The following DISC1 variants were observed in gnomAD, a reference collection of about 807,000 sequenced individuals.
DISC1 encodes the protein DISC1 scaffold protein.
DISC1 carries 57 observed loss-of-function variants against 84.5 expected under a neutral mutation model. That is an observed-to-expected ratio of 0.67 (90% confidence interval 0.55 to 0.84). DISC1 has a LOEUF of 0.84. Among genes scored for constraint, DISC1 ranks in the 40% least tolerant of loss-of-function variants. The pLI is 0.00. For missense variants in DISC1, 1,000 were observed against 1,057.8 expected (o/e 0.95, Z 0.76); for synonymous variants, 411 against 415.2 (o/e 0.99, Z 0.12).
intron 8 of DISC1, among the ~76,000 whole-genome samples, chr1:231,806,899 G>C (rs1021856150): frequency 6.6e-6 from 1 of 152,238 alleles, no homozygotes. Context: ...TGTGTGGTGG[G>C]TGCGGCTGAC....
intron 6 of DISC1, among the ~76,000 whole-genome samples, chr1:231,789,210 A>G (rs1474977649): frequency 6.6e-6 from 1 of 152,176 alleles, no homozygotes; most frequent in Non-Finnish European, 1.5e-5. Flanking sequence ...AAAGACTTGC[A>G]GGTGGGAGGG....
chr1:231,778,306 G>A (rs1210000722), intron 6 of DISC1, among the ~76,000 whole-genome samples: 2 of 152,184 alleles, frequency 1.3e-5, no homozygotes, highest in East Asian at 1.9e-4. Context: ...GTGAAAAGAG[G>A]GTTTGAACTG....
At chr1:232,015,417 G>A (rs901449159) in intron 11 of DISC1, among the ~76,000 whole-genome samples, 9 of 152,236 alleles carry the variant, frequency 5.9e-5, no homozygotes, top group South Asian at 2.1e-4. Flanking sequence ...GCAGGATGGC[G>A]TCTGCCTGAA....
intron 9 of DISC1, among the ~76,000 whole-genome samples, chr1:231,944,239 T>C (rs1204006972): frequency 6.6e-6 from 1 of 152,200 alleles, no homozygotes; most frequent in East Asian, 1.9e-4. Context: ...GTCTGAGTTT[T>C]GTCTACCTGC....
At chr1:231,878,054 G>C (rs200842400) in intron 9 of DISC1, among the ~76,000 whole-genome samples, 12 of 152,172 alleles carry the variant, frequency 7.9e-5, no homozygotes, top group Non-Finnish European at 1.5e-4. Context: ...TGAAATGTCT[G>C]ATGCAAAGAA....
intron 10 of DISC1, among the ~76,000 whole-genome samples, chr1:231,979,063 G>A (rs1558802392): frequency 6.6e-6 from 1 of 152,042 alleles, no homozygotes; most frequent in Non-Finnish European, 1.5e-5. Flanking sequence ...TATTCTCCTA[G>A]GAGCCTGAAC....
At chr1:231,641,594 T>A (rs1374866057) in intron 1 of DISC1, among the ~76,000 whole-genome samples, 1 of 152,246 alleles carries the variant, frequency 6.6e-6, no homozygotes, top group Non-Finnish European at 1.5e-5. Context: ...GGGTTGCCGC[T>A]GCTGGCGCCT....
At chr1:232,030,990 G>A (rs892755820) in intron 12 of DISC1, among the ~76,000 whole-genome samples, 2 of 152,060 alleles carry the variant, frequency 1.3e-5, no homozygotes, top group Non-Finnish European at 2.9e-5. Context: ...GTGCACACCT[G>A]TAGTCCCAGC....
chr1:231,866,434 A>C, intron 9 of DISC1: 1 of 717,882 alleles, frequency 1.4e-6, no homozygotes. Context: ...AAAAAATAAC[A>C]TCAATGATAA....
At position 231,693,844 on chromosome 1, in the gene DISC1, C is replaced by A. The variant is rs1303876226; in HGVS notation, c.86C>A (p.Pro29Gln). Residue 29 changes from proline (P) to glutamine (Q), a missense_variant, in exon 2 of 13, where the codon CCA becomes CAA. Physicochemically the swap from Pro to Gln is moderately conservative, Grantham distance 76 (BLOSUM62 -1). Coordinates refer to ENST00000439617, the MANE Select transcript of DISC1 (RefSeq NM_018662.3). Reference protein sequence around the residue: ...SHRAGSRDCLPPAACFRRRRL... With the variant: ...SHRAGSRDCLQPAACFRRRRL... ...TTCCCAGGCAGCCGGGATTGCTTAC[C>A]ACCTGCAGCGTGCTTTCGGAGGCGG... 6.2e-7 allele frequency: 1 copy of A among 1,613,662 alleles called. No homozygotes were observed. The highest frequency in any genetic ancestry group is 1.7e-5 in the Admixed American group (1 of 60,010).
chr1:231,964,236 G>C (rs540708686), intron 10 of DISC1, among the ~76,000 whole-genome samples: 2 of 152,120 alleles, frequency 1.3e-5, no homozygotes, highest in Admixed American at 6.5e-5. Context: ...ATGAATGATT[G>C]AATAAATATG....
intron 1 of DISC1, among the ~76,000 whole-genome samples, chr1:231,689,807 C>A (rs1006042131): frequency 1.3e-5 from 2 of 152,164 alleles, no homozygotes; most frequent in Non-Finnish European, 2.9e-5. Context: ...GGAAACAATT[C>A]ATATCCACCA....
At chr1:231,677,937 A>G (rs535513931) in intron 1 of DISC1, among the ~76,000 whole-genome samples, 1 of 152,110 alleles carries the variant, frequency 6.6e-6, no homozygotes, top group East Asian at 1.9e-4. Flanking sequence ...AGAGCGTGCC[A>G]TTGCACTCCA....
rs568139167 is a variant in DISC1 at position 231,996,130 on chromosome 1, A to G, written c.2043-12655A>G. Among the ~76,000 whole-genome samples, 6 of 152,278 alleles carry G rather than the reference A, an allele frequency of 3.9e-5. No individual in the cohort carries two copies. The East Asian group carries it at 1.2e-3, about 29-fold the overall frequency. ...TTTTTCATGTGTCTTTTGGCTGCAT[A>G]AATGTCTTCTTTTGAGAAGTGTCTG... is the stretch of plus-strand genomic sequence containing the variant. On this transcript the variant is annotated intron_variant, in intron 10 of 12. Transcript: ENST00000439617.
chr1:231,890,491 A>G (rs2126003337), intron 9 of DISC1, among the ~76,000 whole-genome samples: 1 of 152,330 alleles, frequency 6.6e-6, no homozygotes, highest in South Asian at 2.1e-4. Context: ...ATGACACTAT[A>G]TATGATTTAA....
intron 6 of DISC1, among the ~76,000 whole-genome samples, chr1:231,779,936 C>G (rs537170182): frequency 3.3e-5 from 5 of 152,186 alleles, no homozygotes; most frequent in African/African-American, 4.8e-5. Flanking sequence ...CTGCCGGAGG[C>G]TATGCTTCCC....
intron 3 of DISC1, among the ~76,000 whole-genome samples, chr1:231,731,404 G>A (rs556999234): frequency 6.6e-6 from 1 of 152,352 alleles, no homozygotes; most frequent in South Asian, 2.1e-4. Flanking sequence ...TCTAGGAAGA[G>A]GGTGGTAACT....
intron 10 of DISC1, among the ~76,000 whole-genome samples, chr1:232,008,020 C>T (rs821614): frequency 0.28 from 42,995 of 151,998 alleles, 6,352 homozygotes; most frequent in African/African-American, 0.33. Context: ...CTTGCTTCCC[C>T]TTCACCTTCT....
intron 10 of DISC1, among the ~76,000 whole-genome samples, chr1:232,002,626 C>A (rs1000568946): frequency 1.4e-4 from 15 of 111,080 alleles, no homozygotes; most frequent in Non-Finnish European, 2.8e-4. Flanking sequence ...CACACACACA[C>A]ACACACACAC....
Sources: allele counts gnomAD v4.1 joint callset (sites outside exome capture counted in the v4.1 genomes callset), GRCh38; gene constraint gnomAD v4.1.1; transcripts MANE v1.5; gene names NCBI Gene and HGNC (gene_info 2026-07-23, HGNC 2026-07-21).